The following DROSHA variants were observed in gnomAD, a reference collection of about 807,000 sequenced individuals.
DROSHA encodes the protein ribonuclease 3.
Under a neutral mutation model 181.9 loss-of-function variants are expected in DROSHA, and 56 were observed. The ratio of observed to expected loss-of-function variants is 0.31; its 90% CI spans 0.25 to 0.38. The LOEUF is 0.38. Ranked by LOEUF, DROSHA falls within the 10% of genes least tolerant of loss-of-function variation. DROSHA has a pLI of 1.00. For synonymous variants in DROSHA, 524 were observed against 591.2 expected, an observed-to-expected ratio of 0.89 and a Z score of 1.65; for missense variants, 1,218 against 1,743.5, an observed-to-expected ratio of 0.70 and a Z score of 5.37.
chr5:31,506,035 G>A (rs1737894528), intron 10 of DROSHA, among the ~76,000 whole-genome samples: 1 of 152,156 alleles, frequency 6.6e-6, no homozygotes, highest in Admixed American at 6.5e-5. Flanking sequence ...AGTAACAGCT[G>A]GCAAATAAGA....
intron 34 of DROSHA, among the ~76,000 whole-genome samples, chr5:31,406,571 G>T (rs1451413777): frequency 6.6e-6 from 1 of 152,098 alleles, no homozygotes; most frequent in African/African-American, 2.4e-5. Flanking sequence ...GCATCAAAGT[G>T]TGCTCTGGGT....
At position 31,514,822 on chromosome 5, in the gene DROSHA, G is replaced by A. The variant is rs919577155; in HGVS notation, c.1290+166C>T. On this transcript the variant is annotated intron_variant, in intron 8 of 35. Coordinates refer to ENST00000344624, the MANE Select transcript of DROSHA (RefSeq NM_001382508.1). The surrounding 1 kb of genome is among the most constrained non-coding windows in gnomAD (Gnocchi z 4.4). ...AAGACATTTTCGGTAACCACAACTG[G>A]GGAGGGGTACTACTGGCATCTAACA... Among the ~76,000 whole-genome samples, 6 of 152,086 alleles carry A rather than the reference G, an allele frequency of 3.9e-5. No homozygotes were observed. Among genetic ancestry groups the A allele is most frequent in the African/African-American group, 1.2e-4 (5 of 41,404 alleles).
chr5:31,515,700 G>T, intron 6 of DROSHA, 136 bp from the exon 7 acceptor site: 1 of 1,223,416 alleles, frequency 8.2e-7, no homozygotes, highest in Non-Finnish European at 1.1e-6. Flanking sequence ...ACAAAACAGG[G>T]TCTCAATATG....
At chr5:31,487,274 A>G (rs1751894249) in intron 13 of DROSHA, among the ~76,000 whole-genome samples, 2 of 152,196 alleles carry the variant, frequency 1.3e-5, no homozygotes, top group Non-Finnish European at 2.9e-5. Flanking sequence ...GTCTTTCTCT[A>G]GACTCCAGCT....
Position 31,405,650 on chromosome 5 carries a change from T to A in DROSHA, c.3994+27A>T, listed in dbSNP as rs778908885. ...TAAAACACTCATTACATTATGAACA[T>A]AATTATAGAAAAAAAAACAGGCTTA... On this transcript the variant is annotated intron_variant, in intron 35 of 35. Transcript: ENST00000344624. 4 of 1,536,172 alleles carry A rather than the reference T, an allele frequency of 2.6e-6. No individual in the cohort carries two copies. The East Asian group carries it at 7.3e-5, about 28-fold the overall frequency.
At chr5:31,448,985 A>C (rs748764548) in intron 22 of DROSHA, among the ~76,000 whole-genome samples, 1 of 152,124 alleles carries the variant, frequency 6.6e-6, no homozygotes, top group Non-Finnish European at 1.5e-5. Context: ...ATACAAAAAA[A>C]CTAGCCAAGT....
intron 34 of DROSHA, 27 bp from the exon 35 acceptor site, chr5:31,405,750 ACT>A: frequency 8.1e-7 from 1 of 1,242,158 alleles, no homozygotes; most frequent in South Asian, 1.6e-5. Context: ...AGTAAGACAT[ACT>A]TTAATTTCAA....
chr5:31,412,166 G>A (rs1277165664), intron 30 of DROSHA, among the ~76,000 whole-genome samples: 1 of 152,212 alleles, frequency 6.6e-6, no homozygotes, highest in African/African-American at 2.4e-5. Flanking sequence ...TAGGGAAGAG[G>A]AGAGGAGGAC....
chr5:31,427,177 A>G (rs1184291414), intron 27 of DROSHA, among the ~76,000 whole-genome samples: 1 of 152,158 alleles, frequency 6.6e-6, no homozygotes, highest in Non-Finnish European at 1.5e-5. Flanking sequence ...GCTCCAGAGA[A>G]AAGGCCTGAG....
chr5:31,424,124 T>C (rs112616939), intron 28 of DROSHA, among the ~76,000 whole-genome samples: 58 of 152,272 alleles, frequency 3.8e-4, no homozygotes, highest in African/African-American at 1.4e-3. Flanking sequence ...CAACATTTTA[T>C]GCTTTCAATA....
At chr5:31,527,358 A>G (rs569331196) in intron 4 of DROSHA, 71 of 169,082 alleles carry the variant, frequency 4.2e-4, no homozygotes, top group African/African-American at 1.5e-3. Flanking sequence ...CCTCTCCCTG[A>G]TACCAGACCC....
chr5:31,472,268 A>G lies in DROSHA; in HGVS notation c.2072-36T>C, dbSNP rs566670501. The G allele has an allele frequency of 2.3e-5, 35 of 1,550,378 alleles. No homozygotes were observed. In the South Asian group the frequency reaches 4.0e-4, roughly 18 times the overall value. ...AATGGGAGTGGAGAGAAGGGGAAAA[A>G]TAAGGCTACTCAACTTACAGCAAAT... is the stretch of plus-strand genomic sequence containing the variant. On this transcript the variant is annotated intron_variant, in intron 16 of 35. Transcript: ENST00000344624.
At chr5:31,491,031 T>A (rs1298322830) in intron 13 of DROSHA, among the ~76,000 whole-genome samples, 1 of 152,204 alleles carries the variant, frequency 6.6e-6, no homozygotes, top group African/African-American at 2.4e-5. Flanking sequence ...GGGATGTTTT[T>A]AAAAATGATG....
At chr5:31,418,372 G>A (rs986807876) in intron 30 of DROSHA, among the ~76,000 whole-genome samples, 2 of 151,902 alleles carry the variant, frequency 1.3e-5, no homozygotes, top group African/African-American at 2.4e-5. Flanking sequence ...GGGCTCAAGC[G>A]ATCCTCCCAC....
chr5:31,518,414 T>C (rs1739504248), intron 6 of DROSHA, among the ~76,000 whole-genome samples: 1 of 152,228 alleles, frequency 6.6e-6, no homozygotes, highest in Admixed American at 6.5e-5. Context: ...CAGCTACATT[T>C]TATAGTTTTC....
chr5:31,422,090 G>GAA (rs11375467), intron 29 of DROSHA, among the ~76,000 whole-genome samples: 18 of 130,058 alleles, frequency 1.4e-4, no homozygotes, highest in African/African-American at 3.9e-4. Flanking sequence ...AGATCTGTCA[G>GAA]AAAAAAAAAA....
At chr5:31,406,983 T>C in intron 33 of DROSHA, 38 bp from the exon 34 acceptor site, 1 of 1,583,246 alleles carries the variant, frequency 6.3e-7, no homozygotes, top group Non-Finnish European at 8.7e-7. Context: ...TATGGTAAAG[T>C]GTTATTTGTC....
intron 34 of DROSHA, among the ~76,000 whole-genome samples, chr5:31,406,224 G>C (rs1436849264): frequency 1.3e-5 from 2 of 152,076 alleles, no homozygotes; most frequent in Non-Finnish European, 2.9e-5. Flanking sequence ...ATGTCTAACA[G>C]AGCTGGACAC....
chr5:31,530,166 G>A (rs946311187), intron 3 of DROSHA, among the ~76,000 whole-genome samples: 1 of 151,938 alleles, frequency 6.6e-6, no homozygotes, highest in African/African-American at 2.4e-5. Flanking sequence ...CTGTCCCTAA[G>A]CTGGAGTGCA....
Sources: gnomAD v4.1 joint callset for allele counts (sites outside exome capture counted in the v4.1 genomes callset) on GRCh38, gnomAD v4.1.1 for gene constraint, Gnocchi (gnomAD v3.1) non-coding constraint, MANE v1.5 for transcripts, NCBI Gene and HGNC (gene_info 2026-07-23, HGNC 2026-07-21) for gene names.